Variants in UBE2N observed in about 807,000 individuals in gnomAD.
UBE2N encodes ubiquitin conjugating enzyme E2 N.
For synonymous variants in UBE2N, 70 were observed against 69.2 expected (o/e 1.01, Z -0.06); for missense variants, 60 against 192.1 (o/e 0.31, Z 4.07).
At chr12:93,434,474 G>A (rs1303191688) in intron 1 of UBE2N, among the ~76,000 whole-genome samples, 2 of 152,176 alleles carry the variant, frequency 1.3e-5, no homozygotes, top group Non-Finnish European at 1.5e-5. Context: ...TGGACTAAAG[G>A]AACTGCTTGA....
chr12:93,441,770 CCGAAGGAGG>C, intron 1 of UBE2N, 76 bp downstream of exon 1: 1 of 1,540,458 alleles, frequency 6.5e-7, no homozygotes, highest in Admixed American at 2.0e-5. Flanking sequence ...GGGCCGCGGG[CCGAAGGAGG>C]CGAGAGGCCG....
chr12:93,429,700 G>A (rs968890112), intron 1 of UBE2N, among the ~76,000 whole-genome samples: 1 of 152,008 alleles, frequency 6.6e-6, no homozygotes, highest in African/African-American at 2.4e-5. Context: ...TAGGACAAGA[G>A]GAGCTGGAAG....
At chr12:93,411,396 T>C (rs1462127939) in intron 1 of UBE2N, 97 bp from the exon 2 acceptor site, 7 of 1,480,868 alleles carry the variant, frequency 4.7e-6, no homozygotes, top group East Asian at 2.3e-5. Context: ...CTACGCATAA[T>C]AGAACAGCTC....
At chr12:93,421,129 G>C (rs1469111038) in intron 1 of UBE2N, among the ~76,000 whole-genome samples, 1 of 150,608 alleles carries the variant, frequency 6.6e-6, no homozygotes, top group Non-Finnish European at 1.5e-5. Context: ...ACAGAGTGAA[G>C]ATTCAAATCC....
chr12:93,427,050 G>C (rs749449762), intron 1 of UBE2N, among the ~76,000 whole-genome samples: 8 of 152,150 alleles, frequency 5.3e-5, no homozygotes, highest in Non-Finnish European at 1.2e-4. Context: ...CTCCCAAGTA[G>C]CTGGGATTAC....
At chr12:93,434,932 C>T (rs1490510583) in intron 1 of UBE2N, among the ~76,000 whole-genome samples, 1 of 151,346 alleles carries the variant, frequency 6.6e-6, no homozygotes, top group African/African-American at 2.5e-5. Context: ...GAGACAGGGT[C>T]TTGCCTCTAT....
chr12:93,441,540 G>A (rs977683657), intron 1 of UBE2N, among the ~76,000 whole-genome samples: 45 of 151,860 alleles, frequency 3.0e-4, no homozygotes, highest in East Asian at 1.6e-3. Flanking sequence ...ATGGAGGCCC[G>A]CGCCCAAGCC....
At chr12:93,431,635 C>A (rs1233791504) in intron 1 of UBE2N, among the ~76,000 whole-genome samples, 2 of 152,228 alleles carry the variant, frequency 1.3e-5, no homozygotes. Flanking sequence ...ACCAACCTCA[C>A]TTCAGGAACA....
rs1168147949 is a variant in UBE2N, at chr12:93,408,422, AATAAAATAC to A, written c.*1608_*1616del. ...AATTCTTCATCTTACATAGGAGCAC[AATAAAATAC>A]ACCACAATCTGAAGAAACTCCAGAA... On this transcript the variant is annotated 3_prime_UTR_variant, in exon 4 of 4. Transcript: ENST00000318066. The A allele has an allele frequency of 2.0e-4, 30 of 152,260 alleles. No individual in the cohort carries two copies. The highest frequency in any genetic ancestry group is 3.2e-3 in the Middle Eastern group (1 of 316). The allele number at this position is 152,260 out of a possible 1,614,324, so 9.4% of individuals were successfully genotyped here. A position where few individuals can be genotyped will look rare whatever the true frequency, so the allele number is the denominator to read the frequency against.
At chr12:93,437,031 G>T (rs1274009247) in intron 1 of UBE2N, among the ~76,000 whole-genome samples, 1 of 152,094 alleles carries the variant, frequency 6.6e-6, no homozygotes, top group Non-Finnish European at 1.5e-5. Context: ...GGGAGGCCGA[G>T]GTGGAAGAAT....
chr12:93,433,096 C>G (rs1448235864), intron 1 of UBE2N, among the ~76,000 whole-genome samples: 1 of 151,990 alleles, frequency 6.6e-6, no homozygotes, highest in Non-Finnish European at 1.5e-5. Flanking sequence ...CCACGCCCAG[C>G]TAATTTTTTT....
intron 1 of UBE2N, among the ~76,000 whole-genome samples, chr12:93,437,224 T>C (rs1360548328): frequency 1.3e-5 from 2 of 151,916 alleles, no homozygotes; most frequent in Admixed American, 6.6e-5. Flanking sequence ...ATGTCTGTAA[T>C]CCCAGATACT....
At chr12:93,421,207 T>TTGG (rs1555196968) in intron 1 of UBE2N, among the ~76,000 whole-genome samples, 1 of 107,172 alleles carries the variant, frequency 9.3e-6, no homozygotes, top group Admixed American at 9.5e-5. Context: ...CTTTTTTTTT[T>TTGG]GGGGGGGCTG....
chr12:93,419,404 A>G (rs1273053507), intron 1 of UBE2N, among the ~76,000 whole-genome samples: 1 of 152,068 alleles, frequency 6.6e-6, no homozygotes, highest in Non-Finnish European at 1.5e-5. Context: ...AAAAAAAAAA[A>G]GTAATGTCAG....
In UBE2N at chr12:93,411,268, G is replaced by A; in HGVS notation, c.62C>T (p.Pro21Leu). The A allele has an allele frequency of 1.9e-6, 3 of 1,610,930 alleles. No individual in the cohort carries two copies. The highest frequency in any genetic ancestry group is 2.5e-6 in the Non-Finnish European group (3 of 1,177,616). ...ETQRLLAEPV[P>L]GIKAEPDESN... ...CTCATCTGGTTCGGCTTTGATGCCA[G>A]GAACTGGTTCTGCCAGCAAACGCTG... is the stretch of plus-strand genomic sequence containing the variant. Residue 21 changes from proline (P) to leucine (L), a missense_variant, in exon 2 of 4, where the codon CCT becomes CTT. Pro to Leu is a moderately conservative substitution (Grantham distance 98). Transcript: ENST00000318066.
At chr12:93,411,616 T>C (rs1878032989) in intron 1 of UBE2N, among the ~76,000 whole-genome samples, 1 of 149,920 alleles carries the variant, frequency 6.7e-6, no homozygotes, top group African/African-American at 2.4e-5. Flanking sequence ...ATTACATAAG[T>C]AAGGCAACTT....
chr12:93,410,521 G>A (rs1878002754), intron 3 of UBE2N: 6 of 651,762 alleles, frequency 9.2e-6, no homozygotes, highest in Non-Finnish European at 1.5e-5. Context: ...AGTTACAAGA[G>A]ACTCCAAGAT....
chr12:93,413,343 G>T (rs1319006104), intron 1 of UBE2N, among the ~76,000 whole-genome samples: 1 of 151,998 alleles, frequency 6.6e-6, no homozygotes, highest in Non-Finnish European at 1.5e-5. Context: ...AAATGCACTG[G>T]GGCTCTATTC....
chr12:93,430,228 T>C (rs1294166943), intron 1 of UBE2N, among the ~76,000 whole-genome samples: 1 of 152,230 alleles, frequency 6.6e-6, no homozygotes, highest in Non-Finnish European at 1.5e-5. Context: ...CAGTAACATA[T>C]TAAACAGGTT....
Sources: gnomAD v4.1 joint callset for allele counts (sites outside exome capture counted in the v4.1 genomes callset) on GRCh38, gnomAD v4.1.1 for gene constraint, MANE v1.5 for transcripts, NCBI Gene and HGNC (gene_info 2026-07-23, HGNC 2026-07-21) for gene names.